Variants in NUDT3 observed in about 807,000 individuals in gnomAD.
NUDT3 encodes the protein nudix hydrolase 3, also known as diphosphoinositol polyphosphate phosphohydrolase 1.
A neutral mutation model predicts 23.6 loss-of-function variants in NUDT3; 9 were observed. The ratio of observed to expected loss-of-function variants is 0.38; its 90% confidence interval spans 0.23 to 0.66. NUDT3 has a LOEUF of 0.66. NUDT3 is among the 30% of genes least tolerant of loss of function. The pLI is 0.52. For synonymous variants in NUDT3, 86 were observed against 82.6 expected, an observed-to-expected ratio of 1.04 and a Z score of -0.22; for missense variants, 172 against 218.5, an observed-to-expected ratio of 0.79 and a Z score of 1.34.
intron 1 of NUDT3, among the ~76,000 whole-genome samples, chr6:34,372,810 AAT>A (rs1197313729): frequency 1.3e-5 from 2 of 151,748 alleles, no homozygotes; most frequent in Non-Finnish European, 2.9e-5. Context: ...ATCTTTAAAA[AAT>A]ATATATATAT....
At chr6:34,369,153 C>A (rs1764789371) in intron 1 of NUDT3, among the ~76,000 whole-genome samples, 1 of 152,296 alleles carries the variant, frequency 6.6e-6, no homozygotes, top group South Asian at 2.1e-4. Context: ...AAATACAATT[C>A]TGCAAATTTC....
chr6:34,320,464 C>T (rs1156574493), intron 2 of NUDT3, among the ~76,000 whole-genome samples: 1 of 152,108 alleles, frequency 6.6e-6, no homozygotes, highest in Non-Finnish European at 1.5e-5. Flanking sequence ...CCTCGTGATC[C>T]GCCCACCTTG....
intron 2 of NUDT3, among the ~76,000 whole-genome samples, chr6:34,317,145 C>T (rs1199677072): frequency 6.6e-6 from 1 of 152,150 alleles, no homozygotes; most frequent in Non-Finnish European, 1.5e-5. Context: ...AAAGGATGGA[C>T]TGCCACTACT....
In NUDT3 at chr6:34,392,518, G is replaced by A; in HGVS notation, c.-156C>T. The A allele has an allele frequency of 2.0e-6, 1 of 496,996 alleles. No individual in the cohort carries two copies. The highest frequency in any genetic ancestry group is 3.7e-5 in the East Asian group (1 of 26,820). 30.8% of individuals were successfully genotyped at this position (496,996 alleles called of 1,614,324 possible). A position where few individuals can be genotyped will look rare whatever the true frequency, so the allele number is the denominator to read the frequency against. On this transcript the variant is annotated 5_prime_UTR_variant, in exon 1 of 5. Transcript: ENST00000607016. ...CACGGCTCCGCCGCTGGCCCGCCGC[G>A]GCCGCCTCATTCCCCCAGGCCCAGG...
intron 2 of NUDT3, among the ~76,000 whole-genome samples, chr6:34,331,819 T>C (rs1292994348): frequency 1.3e-5 from 2 of 152,228 alleles, no homozygotes; most frequent in African/African-American, 4.8e-5. Flanking sequence ...CCTTGAATAA[T>C]GTTGATCCTT....
chr6:34,392,113 C>A (rs1267750481), intron 1 of NUDT3, 151 bp downstream of exon 1: 10 of 600,624 alleles, frequency 1.7e-5, no homozygotes, highest in Non-Finnish European at 2.2e-5. Context: ...CTCCTTCCCC[C>A]TTTTTTCGCC....
At chr6:34,313,535 T>C (rs565694588) in intron 2 of NUDT3, among the ~76,000 whole-genome samples, 5 of 152,226 alleles carry the variant, frequency 3.3e-5, no homozygotes, top group South Asian at 2.1e-4. Flanking sequence ...TGTTGGTACA[T>C]TGACCGTAGC....
chr6:34,290,331 C>T (rs766546834), intron 4 of NUDT3, among the ~76,000 whole-genome samples: 6 of 149,662 alleles, frequency 4.0e-5, no homozygotes, highest in African/African-American at 1.5e-4. Context: ...CTCCCGAACA[C>T]GAGGGATCTT....
At chr6:34,321,562 C>T (rs1763942874) in intron 2 of NUDT3, among the ~76,000 whole-genome samples, 1 of 152,090 alleles carries the variant, frequency 6.6e-6, no homozygotes, top group Admixed American at 6.6e-5. Flanking sequence ...AATTTGCATT[C>T]ATCTGATAAT....
chr6:34,305,832 AGCTGGCTCTGTTGTTGGTTTCT>A, intron 2 of NUDT3, among the ~76,000 whole-genome samples: 1 of 152,128 alleles, frequency 6.6e-6, no homozygotes, highest in Admixed American at 6.6e-5. Flanking sequence ...CTCTCTTTCA[AGCTGGCTCTGTTGTTGGTTTCT>A]AATTCTACTG....
chr6:34,327,008 G>T (rs969634558), intron 2 of NUDT3, among the ~76,000 whole-genome samples: 1 of 152,020 alleles, frequency 6.6e-6, no homozygotes, highest in Non-Finnish European at 1.5e-5. Context: ...GGCCCGGGGG[G>T]ACTACTACCA....
intron 4 of NUDT3, among the ~76,000 whole-genome samples, chr6:34,291,185 C>T (rs1344256391): frequency 1.3e-5 from 2 of 152,078 alleles, no homozygotes; most frequent in Non-Finnish European, 2.9e-5. Flanking sequence ...TCTCGAACTC[C>T]TGACCTCAAG....
intron 2 of NUDT3, among the ~76,000 whole-genome samples, chr6:34,314,029 G>A (rs1489996116): frequency 1.3e-5 from 2 of 151,914 alleles, no homozygotes; most frequent in Admixed American, 6.6e-5. Flanking sequence ...CCCAGGAGGC[G>A]GAGGATGTGG....
At chr6:34,323,786 G>T (rs1442290822) in intron 2 of NUDT3, among the ~76,000 whole-genome samples, 2 of 152,166 alleles carry the variant, frequency 1.3e-5, no homozygotes, top group African/African-American at 4.8e-5. Flanking sequence ...GTTGTATTTA[G>T]AAGAAGGTAT....
intron 2 of NUDT3, among the ~76,000 whole-genome samples, chr6:34,327,546 A>G (rs1764059330): frequency 6.6e-6 from 1 of 150,812 alleles, no homozygotes; most frequent in Admixed American, 6.7e-5. Context: ...AAAAAAAAAG[A>G]AAGAAAGATC....
intron 2 of NUDT3, among the ~76,000 whole-genome samples, chr6:34,313,230 T>C (rs1486494025): frequency 1.3e-5 from 2 of 152,122 alleles, no homozygotes; most frequent in African/African-American, 2.4e-5. Flanking sequence ...AAATGCGTAT[T>C]ACTAAGTGGA....
At chr6:34,346,136 T>TA (rs1764365392) in intron 1 of NUDT3, among the ~76,000 whole-genome samples, 1 of 152,172 alleles carries the variant, frequency 6.6e-6, no homozygotes, top group African/African-American at 2.4e-5. Context: ...TGACCAATCT[T>TA]ACATTTTACA....
chr6:34,369,220 C>CA (rs1164455746), intron 1 of NUDT3, among the ~76,000 whole-genome samples: 1 of 152,154 alleles, frequency 6.6e-6, no homozygotes, highest in Admixed American at 6.5e-5. Flanking sequence ...AAAATGACTA[C>CA]ACAAGAGAAA....
chr6:34,348,459 G>A (rs1015712772), intron 1 of NUDT3, among the ~76,000 whole-genome samples: 12 of 152,016 alleles, frequency 7.9e-5, no homozygotes, highest in African/African-American at 2.9e-4. Context: ...TCCAGCCTGA[G>A]TGACAGAGCA....
Sources: gnomAD v4.1 joint callset for allele counts (sites outside exome capture counted in the v4.1 genomes callset) on GRCh38, gnomAD v4.1.1 for gene constraint, MANE v1.5 for transcripts, NCBI Gene and HGNC (gene_info 2026-07-23, HGNC 2026-07-21) for gene names.